KDM4A: variants seen among roughly 807,000 people sequenced by gnomAD.
KDM4A encodes the protein lysine-specific demethylase 4A.
Under a neutral mutation model 127.1 loss-of-function variants are expected in KDM4A, and 23 were observed. The ratio of observed to expected loss-of-function variants is 0.18; its 90% CI spans 0.13 to 0.26. The LOEUF (loss-of-function observed/expected upper bound fraction) is 0.26. KDM4A is among the 10% of genes least tolerant of loss of function. KDM4A has a pLI of 1.00. For synonymous variants in KDM4A, 443 were observed against 466.5 expected (o/e 0.95, Z 0.65); for missense variants, 890 against 1,329.1 (o/e 0.67, Z 5.14).
At chr1:43,671,941 T>A in intron 11 of KDM4A, 66 bp downstream of exon 11, 3 of 1,491,920 alleles carry the variant, frequency 2.0e-6, no homozygotes, top group Non-Finnish European at 2.7e-6. Context: ...CGGGAGGGGA[T>A]CTGTGTGGGG....
In KDM4A at chr1:43,692,279, A is replaced by G; in HGVS notation, c.2343A>G (p.Arg781=). Residue 781 remains arginine (R), a synonymous_variant, in exon 16 of 22, where the codon CGA becomes CGG. Coordinates refer to ENST00000372396, the MANE Select transcript of KDM4A (RefSeq NM_014663.3). Reference sequence around the variant, plus strand: ...AGGACTGCTGTTTATGCTCATTACGAGGAGGGGCCCTGCAGAGAGCAAATG... The same window carrying G: ...AGGACTGCTGTTTATGCTCATTACGGGGAGGGGCCCTGCAGAGAGCAAATG... ...LEEDCCLCSL[R]GGALQRANDD... The G allele has an allele frequency of 2.5e-6, 4 of 1,614,148 alleles. No individual in the cohort carries two copies. The highest frequency in any genetic ancestry group is 3.4e-6 in the Non-Finnish European group (4 of 1,180,032).
chr1:43,686,840 GCA>G (rs1181343249), intron 12 of KDM4A, among the ~76,000 whole-genome samples: 3 of 152,142 alleles, frequency 2.0e-5, no homozygotes, highest in Non-Finnish European at 4.4e-5. Context: ...TCAGTGATAT[GCA>G]CACATTTTAA....
At chr1:43,680,166 C>G (rs1205866663) in intron 11 of KDM4A, among the ~76,000 whole-genome samples, 1 of 152,132 alleles carries the variant, frequency 6.6e-6, no homozygotes, top group East Asian at 1.9e-4. Context: ...AAAAGATATT[C>G]AAATCTTTGA....
At chr1:43,652,594 C>T (rs1300726035) in intron 1 of KDM4A, among the ~76,000 whole-genome samples, 1 of 151,706 alleles carries the variant, frequency 6.6e-6, no homozygotes, top group African/African-American at 2.4e-5. Flanking sequence ...AGCGATCTGC[C>T]CACCTCAGTC....
intron 11 of KDM4A, among the ~76,000 whole-genome samples, chr1:43,682,620 T>C (rs1002669391): frequency 6.6e-6 from 1 of 152,236 alleles, no homozygotes; most frequent in Admixed American, 6.5e-5. Context: ...TGAATATTTG[T>C]TGAATGAATG....
At chr1:43,690,399 C>T (rs1290907923) in intron 13 of KDM4A, among the ~76,000 whole-genome samples, 1 of 152,100 alleles carries the variant, frequency 6.6e-6, no homozygotes, top group Non-Finnish European at 1.5e-5. Context: ...AGGCACACAC[C>T]ATCACACCCA....
intron 19 of KDM4A, 96 bp downstream of exon 19, chr1:43,698,109 C>T (rs1661288081): frequency 2.6e-5 from 31 of 1,213,192 alleles, no homozygotes; most frequent in Non-Finnish European, 3.0e-5. Flanking sequence ...CTTCTTCTAG[C>T]CAGGTCCCTG....
intron 13 of KDM4A, among the ~76,000 whole-genome samples, chr1:43,690,326 A>ATT (rs774067063): frequency 2.8e-5 from 4 of 144,412 alleles, no homozygotes; most frequent in African/African-American, 5.1e-5. Context: ...ATCTCCGTGC[A>ATT]TTTTTTTTTT....
Position 43,689,050 on chromosome 1 carries a change from G to A in KDM4A, c.1992G>A (p.Gln664=). 6.2e-7 allele frequency: 1 copy of A among 1,614,232 alleles called. No individual in the cohort carries two copies. The highest frequency in any genetic ancestry group is 8.5e-7 in the Non-Finnish European group (1 of 1,180,036). ...EKEFNETMAQ[Q]APHCAVCMIF... is the part of the protein sequence containing the mutation. ...AATTCAATGAGACCATGGCCCAACA[G>A]GCCCCTCACTGCGCTGTCTGTATGA... Residue 664 remains glutamine, a synonymous_variant, in exon 13 of 22, where the codon CAG becomes CAA. Coordinates refer to ENST00000372396, the MANE Select transcript of KDM4A (RefSeq NM_014663.3).
chr1:43,683,881 C>A (rs1160507861), intron 12 of KDM4A, 77 bp downstream of exon 12: 1 of 1,543,514 alleles, frequency 6.5e-7, no homozygotes, highest in Non-Finnish European at 8.8e-7. Flanking sequence ...ATCAGAAGGC[C>A]AAGCTGAGGG....
chr1:43,684,950 G>A (rs1196847332), intron 12 of KDM4A, among the ~76,000 whole-genome samples: 3 of 152,184 alleles, frequency 2.0e-5, no homozygotes, highest in Non-Finnish European at 2.9e-5. Context: ...TATGAGGATG[G>A]TAGTTGAGGA....
At chr1:43,700,886 C>T (rs74748792) in intron 19 of KDM4A, among the ~76,000 whole-genome samples, 1 of 151,936 alleles carries the variant, frequency 6.6e-6, no homozygotes, top group East Asian at 1.9e-4. Context: ...ACTGGCCTAT[C>T]GACAGCCTCC....
At chr1:43,673,743 T>C (rs1307244432) in intron 11 of KDM4A, among the ~76,000 whole-genome samples, 1 of 152,066 alleles carries the variant, frequency 6.6e-6, no homozygotes, top group Non-Finnish European at 1.5e-5. Context: ...GAAACCAGAG[T>C]CTCTTTAACT....
intron 2 of KDM4A, among the ~76,000 whole-genome samples, chr1:43,654,726 TGTGTGTGTGTGTG>T (rs1471628383): frequency 7.4e-6 from 1 of 134,482 alleles, no homozygotes; most frequent in Admixed American, 7.4e-5. Context: ...TGTGTGTGTG[TGTGTGTGTGTGTG>T]TTGTTTTCTC....
intron 20 of KDM4A, 110 bp from the exon 21 acceptor site, chr1:43,703,909 AT>A: frequency 7.7e-7 from 1 of 1,299,928 alleles, no homozygotes; most frequent in Non-Finnish European, 1.1e-6. Flanking sequence ...GGTAGTTGTT[AT>A]TTTAGTGTTC....
chr1:43,703,927 C>T (rs1373437635), intron 20 of KDM4A, 93 bp from the exon 21 acceptor site: 1 of 1,332,730 alleles, frequency 7.5e-7, no homozygotes, highest in Non-Finnish European at 1.1e-6. Flanking sequence ...GTTCTAACTC[C>T]TTCCTTTGAC....
intron 11 of KDM4A, among the ~76,000 whole-genome samples, chr1:43,681,203 G>A (rs1570851232): frequency 6.6e-6 from 1 of 152,246 alleles, no homozygotes; most frequent in East Asian, 1.9e-4. Flanking sequence ...TCCCTGCTCA[G>A]CTCTTCTATG....
In KDM4A at chr1:43,671,839, C is replaced by T. The variant is rs766346614; in HGVS notation, c.1698C>T (p.Ser566=). 37 of 1,585,494 alleles carry T rather than the reference C, an allele frequency of 2.3e-5. No homozygotes were observed. The Admixed American group carries it at 4.2e-4, about 18-fold the overall frequency. Residue 566 remains serine (S), a synonymous_variant, in exon 11 of 22, where the codon AGC becomes AGT. Transcript: ENST00000372396. ...AGCCATGCACGAGGAAGAAAGGAAG[C>T]GCCGCTAGAAGTTTCAGTGAGCGGG... ...VGEPCTRKKG[S]AARSFSEREL...
At chr1:43,667,638 G>A (rs905315854) in intron 8 of KDM4A, 134 bp from the exon 9 acceptor site, 4 of 1,177,746 alleles carry the variant, frequency 3.4e-6, no homozygotes, top group Non-Finnish European at 4.9e-6. Context: ...CATGCCCTCA[G>A]CCTGTGAACC....
Sources: allele counts gnomAD v4.1 joint callset (sites outside exome capture counted in the v4.1 genomes callset), GRCh38; gene constraint gnomAD v4.1.1; transcripts MANE v1.5; gene names NCBI Gene and HGNC (gene_info 2026-07-23, HGNC 2026-07-21).